The following CHST3 variants were observed in gnomAD, a reference collection of about 807,000 sequenced individuals.
The protein encoded by CHST3 is carbohydrate sulfotransferase 3.
In CHST3, 20 loss-of-function variants were observed where a neutral mutation model predicts 35.4. That is an observed-to-expected ratio of 0.57 (90% confidence interval 0.40 to 0.82). The LOEUF is 0.82. CHST3 is among the 40% of genes least tolerant of loss of function. CHST3 has a pLI of 0.00. For synonymous variants in CHST3, 334 were observed against 295.9 expected (o/e 1.13, Z -1.32); for missense variants, 693 against 670.1 (o/e 1.03, Z -0.38).
At chr10:72,002,685 C>T (rs567236650) in intron 1 of CHST3, among the ~76,000 whole-genome samples, 2 of 152,314 alleles carry the variant, frequency 1.3e-5, no homozygotes, top group South Asian at 4.1e-4. Context: ...GACAGAAAGT[C>T]AGGATTTCAA....
At chr10:71,975,789 G>A (rs954793396) in intron 1 of CHST3, among the ~76,000 whole-genome samples, 2 of 152,236 alleles carry the variant, frequency 1.3e-5, no homozygotes, top group Non-Finnish European at 2.9e-5. Context: ...GCTCTCTCCC[G>A]GTGCCGCCCT....
At position 72,007,821 on chromosome 10, in the gene CHST3, T is replaced by C. The variant is rs1459673649; in HGVS notation, c.790T>C (p.Cys264Arg). 3 of 1,601,918 alleles carry C rather than the reference T, an allele frequency of 1.9e-6. No individual in the cohort carries two copies. Among genetic ancestry groups the C allele is most frequent in the Non-Finnish European group, 2.5e-6 (3 of 1,179,076 alleles). ...CAACGTGACGCTGGCCGCAGAGGCCTGCCGCCGCAAGGAGCACATGGCCCT... is the reference window on the plus strand; with the variant it reads ...CAACGTGACGCTGGCCGCAGAGGCCCGCCGCCGCAAGGAGCACATGGCCCT... ...PLNVTLAAEA[C>R]RRKEHMALKA... Residue 264 changes from cysteine to arginine, a missense_variant, in exon 3 of 3, where the codon TGC (cysteine) becomes CGC (arginine). Transcript: ENST00000373115.
chr10:71,974,896 C>T (rs904106894), intron 1 of CHST3, among the ~76,000 whole-genome samples: 3 of 152,160 alleles, frequency 2.0e-5, no homozygotes, highest in Non-Finnish European at 4.4e-5. Flanking sequence ...TACTCATACA[C>T]ACTGCTGAGG....
In CHST3 at chr10:72,008,255, C is replaced by A; in HGVS notation, c.1224C>A (p.Ala408=). Reference sequence around the variant, plus strand: ...GGATCCAAAAGAACACGCAGGCGGCCCACGACGGCAGCGGCATCTACTCCA... The same window carrying A: ...GGATCCAAAAGAACACGCAGGCGGCACACGACGGCAGCGGCATCTACTCCA... ...EDWIQKNTQA[A]HDGSGIYSTQ... Residue 408 remains alanine (A), a synonymous_variant, in exon 3 of 3, where the codon GCC becomes GCA. Coordinates refer to ENST00000373115, the MANE Select transcript of CHST3 (RefSeq NM_004273.5). The A allele has an allele frequency of 6.3e-7, 1 of 1,577,992 alleles. No individual in the cohort carries two copies. Among genetic ancestry groups the A allele is most frequent in the African/African-American group, 1.3e-5 (1 of 74,238 alleles).
rs1840033097 is a variant in CHST3 at position 72,005,842 on chromosome 10, C to T, written c.-1C>T. 6.2e-7 allele frequency: 1 copy of T among 1,614,248 alleles called. No homozygotes were observed. Among genetic ancestry groups the T allele is most frequent in the African/African-American group, 1.3e-5 (1 of 75,072 alleles). On this transcript the variant is annotated 5_prime_UTR_variant, in exon 2 of 3. Coordinates refer to ENST00000373115, the MANE Select transcript of CHST3 (RefSeq NM_004273.5). ...GAGCCCCCACGGCCCCACCTTTCCC[C>T]ATGGAGAAAGGACTCACTTTGCCCC...
chr10:71,978,460 C>T (rs547682869), intron 1 of CHST3, among the ~76,000 whole-genome samples: 1 of 152,228 alleles, frequency 6.6e-6, no homozygotes, highest in East Asian at 1.9e-4. Flanking sequence ...TGCCAGGCTT[C>T]CCCGGACAAT....
intron 1 of CHST3, 136 bp from the exon 2 acceptor site, chr10:72,005,600 G>A: frequency 1.7e-6 from 1 of 579,050 alleles, no homozygotes. Flanking sequence ...TGTCTCTGGG[G>A]CACAGTCTGT....
intron 1 of CHST3, among the ~76,000 whole-genome samples, chr10:71,995,401 G>T (rs1341463807): frequency 6.8e-6 from 1 of 147,984 alleles, no homozygotes; most frequent in Non-Finnish European, 1.5e-5. Flanking sequence ...CTCCAGCCTG[G>T]GCAGAGCGAG....
At chr10:71,968,943 C>G (rs1480449836) in intron 1 of CHST3, among the ~76,000 whole-genome samples, 1 of 152,160 alleles carries the variant, frequency 6.6e-6, no homozygotes, top group African/African-American at 2.4e-5. Context: ...GACCAAACAT[C>G]CTCAAATGGG....
intron 1 of CHST3, among the ~76,000 whole-genome samples, chr10:71,984,860 C>T (rs1564526837): frequency 6.6e-6 from 1 of 152,216 alleles, no homozygotes; most frequent in East Asian, 1.9e-4. Flanking sequence ...GTTCCTAGTG[C>T]CTGGTTCCAT....
At chr10:71,984,084 G>A (rs543673056) in intron 1 of CHST3, among the ~76,000 whole-genome samples, 3 of 152,206 alleles carry the variant, frequency 2.0e-5, no homozygotes, top group Non-Finnish European at 2.9e-5. Context: ...GCGCAGTGGC[G>A]CAATCTCAGC....
intron 1 of CHST3, among the ~76,000 whole-genome samples, chr10:71,992,810 G>A (rs71507064): frequency 0.35 from 52,860 of 151,364 alleles, 10,952 homozygotes; most frequent in Non-Finnish European, 0.47. Flanking sequence ...ACAGGCGTCC[G>A]CCACCACGCT....
At chr10:71,966,607 A>T (rs1461890046) in intron 1 of CHST3, among the ~76,000 whole-genome samples, 1 of 152,216 alleles carries the variant, frequency 6.6e-6, no homozygotes, top group Non-Finnish European at 1.5e-5. Context: ...CTGGCCTCAG[A>T]TGAAAGAGGA....
At chr10:71,996,391 C>CTCTTTT in intron 1 of CHST3, among the ~76,000 whole-genome samples, 1 of 150,456 alleles carries the variant, frequency 6.6e-6, no homozygotes, top group African/African-American at 2.5e-5. Context: ...CCAAGACTCT[C>CTCTTTT]TCTCTTTCTC....
chr10:71,992,753 C>T (rs982939967), intron 1 of CHST3, among the ~76,000 whole-genome samples: 1 of 151,400 alleles, frequency 6.6e-6, no homozygotes, highest in Non-Finnish European at 1.5e-5. Flanking sequence ...CTCCACCTCC[C>T]AGATTCAAGC....
rs1049112513 is a variant in CHST3 at position 72,008,822 on chromosome 10, G to A, written c.*351G>A. 5 of 203,012 alleles carry A rather than the reference G, an allele frequency of 2.5e-5. No homozygotes were observed. Among genetic ancestry groups the A allele is most frequent in the Non-Finnish European group, 4.9e-5 (5 of 101,064 alleles). 12.6% of individuals were successfully genotyped at this position (203,012 alleles called of 1,614,324 possible). A position where few individuals can be genotyped will look rare whatever the true frequency, so the allele number is the denominator to read the frequency against. On this transcript the variant is annotated 3_prime_UTR_variant, in exon 3 of 3. Transcript: ENST00000373115. Reference sequence around the variant, plus strand: ...GAGTCCAAATATTTAACAATCAGAAGGGGCAAGGCTCTGACCAGTGACAGT... The same window carrying A: ...GAGTCCAAATATTTAACAATCAGAAAGGGCAAGGCTCTGACCAGTGACAGT...
At chr10:71,989,987 TG>T (rs1839882977) in intron 1 of CHST3, among the ~76,000 whole-genome samples, 1 of 152,266 alleles carries the variant, frequency 6.6e-6, no homozygotes. Context: ...TGCTGTTTTT[TG>T]TTTTGGTTTT....
intron 1 of CHST3, among the ~76,000 whole-genome samples, chr10:72,002,000 CATCCGGGCTCT>C (rs1412647907): frequency 6.6e-6 from 1 of 152,176 alleles, no homozygotes; most frequent in African/African-American, 2.4e-5. Context: ...GAGTAACCCC[CATCCGGGCTCT>C]ATCCCCTTCC....
At chr10:72,007,020 C>A in intron 2 of CHST3, 152 bp from the exon 3 acceptor site, 1 of 852,242 alleles carries the variant, frequency 1.2e-6, no homozygotes, top group South Asian at 1.5e-5. Context: ...CCCAAATAAA[C>A]TTACTTAAAC....
Sources: gnomAD v4.1 joint callset for allele counts (sites outside exome capture counted in the v4.1 genomes callset) on GRCh38, gnomAD v4.1.1 for gene constraint, MANE v1.5 for transcripts, NCBI Gene and HGNC (gene_info 2026-07-23, HGNC 2026-07-21) for gene names.